The following EIF2AK3 variants were observed in gnomAD, a reference collection of about 807,000 sequenced individuals.
The protein encoded by EIF2AK3 is eukaryotic translation initiation factor 2-alpha kinase 3.
In EIF2AK3, 50 loss-of-function variants were observed where a neutral mutation model predicts 113.5. The ratio of observed to expected loss-of-function variants is 0.44; its 90% CI spans 0.35 to 0.56. EIF2AK3 has a LOEUF of 0.56. Among genes scored for constraint, EIF2AK3 ranks in the 20% least tolerant of loss-of-function variants. The pLI, the probability that EIF2AK3 is intolerant of heterozygous loss-of-function variation, is 0.00. For missense variants in EIF2AK3, 1,185 were observed against 1,378.0 expected, an observed-to-expected ratio of 0.86 and a Z score of 2.22; for synonymous variants, 448 against 495.4, an observed-to-expected ratio of 0.90 and a Z score of 1.27.
rs577300913 is a variant in EIF2AK3 at position 88,576,839 on chromosome 2, A to G, written c.1887-136T>C. Reference sequence around the variant, plus strand: ...AAAAAAGGAAAATTAAAGAAATAAAATTAGCCTGAAAAAGAGAGAAAGTAA... The same window carrying G: ...AAAAAAGGAAAATTAAAGAAATAAAGTTAGCCTGAAAAAGAGAGAAAGTAA... On this transcript the variant is annotated intron_variant, in intron 11 of 16. Transcript: ENST00000303236. 1.2e-4 allele frequency: 121 copies of G among 970,526 alleles called. 1 individual carries two copies. The Middle Eastern group carries it at 1.6e-3, about 13-fold the overall frequency. The allele number at this position is 970,526 out of a possible 1,614,324, so 60.1% of individuals were successfully genotyped here.
intron 16 of EIF2AK3, among the ~76,000 whole-genome samples, chr2:88,558,443 T>G (rs1248201081): frequency 6.6e-6 from 1 of 152,226 alleles, no homozygotes; most frequent in Non-Finnish European, 1.5e-5. Flanking sequence ...GAACGTAACA[T>G]GTACTCTTAT....
In EIF2AK3 at chr2:88,626,518, G is replaced by A. The variant is rs941238172; in HGVS notation, c.308+449C>T. On this transcript the variant is annotated intron_variant, in intron 1 of 16. Transcript: ENST00000303236. Reference sequence around the variant, plus strand: ...GACACTGATCTCAATCCTTGTCCGGGGGCACTACAGAGTTGTGTTTGAAAG... The same window carrying A: ...GACACTGATCTCAATCCTTGTCCGGAGGCACTACAGAGTTGTGTTTGAAAG... 6.6e-5 allele frequency among the ~76,000 whole-genome samples: 10 copies of A among 152,140 alleles called. 1 individual carries two copies. Among genetic ancestry groups the A allele is most frequent in the African/African-American group, 2.4e-4 (10 of 41,408 alleles).
rs1266334890 is a variant in EIF2AK3, at chr2:88,575,278, C to T, written c.2205G>A (p.Glu735=). ...GISCDQTSSS[E]SQFSPLEFSG... is the part of the protein sequence containing the mutation. ...AGAATTCCAGTGGTGAGAACTGGCT[C>T]TCAGATGAACTTGTCTGGTCACAGG... is the stretch of plus-strand genomic sequence containing the variant. The change falls in exon 13 of 17, where the codon GAG becomes GAA. Residue 735 remains glutamate (E), a synonymous_variant. Coordinates refer to ENST00000303236, the MANE Select transcript of EIF2AK3 (RefSeq NM_004836.7). The T allele has an allele frequency of 2.5e-6, 4 of 1,614,130 alleles. No homozygotes were observed. The highest frequency in any genetic ancestry group is 3.4e-6 in the Non-Finnish European group (4 of 1,179,996).
At chr2:88,609,568 A>C (rs1026998383) in intron 2 of EIF2AK3, among the ~76,000 whole-genome samples, 12 of 152,202 alleles carry the variant, frequency 7.9e-5, no homozygotes, top group Admixed American at 4.6e-4. Context: ...ATTCTGCATG[A>C]CTAATTAGGA....
chr2:88,627,079 C>A lies in EIF2AK3; in HGVS notation c.196G>T (p.Ala66Ser). ...ATRVPAAGAV[A>S]AAEVTVEDAE... ...TCCTCCACAGTCACCTCGGCCGCAG[C>A]CACGGCGCCCGCCGCCGGTACTCGC... Residue 66 changes from alanine to serine, a missense_variant, in exon 1 of 17, where the codon GCT becomes TCT. This residue lies in a region of EIF2AK3 where 189 missense variants were observed against 175.2 expected (regional missense o/e 1.08). Transcript: ENST00000303236. The A allele has an allele frequency of 6.4e-7, 1 of 1,560,108 alleles. No homozygotes were observed. The highest frequency in any genetic ancestry group is 1.8e-5 in the Admixed American group (1 of 54,362).
intron 1 of EIF2AK3, among the ~76,000 whole-genome samples, chr2:88,621,355 CT>C (rs368083493): frequency 1.5e-3 from 224 of 152,284 alleles, no homozygotes; most frequent in South Asian, 7.5e-3. Flanking sequence ...TTTAAAGGAA[CT>C]TTTATTTCCT....
At chr2:88,584,126 C>A (rs1327386854) in intron 9 of EIF2AK3, among the ~76,000 whole-genome samples, 1 of 152,282 alleles carries the variant, frequency 6.6e-6, no homozygotes, top group Non-Finnish European at 1.5e-5. Flanking sequence ...CTGATTCTTT[C>A]AACAAATCTT....
Position 88,570,981 on chromosome 2 carries a change from T to G in EIF2AK3, c.2878A>C (p.Thr960Pro), listed in dbSNP as rs1262362715. Residue 960 changes from threonine to proline, a missense_variant, in exon 14 of 17, where the codon ACT becomes CCT. Around this residue, in one of 3 missense-constraint regions of EIF2AK3, gnomAD observed 877 missense variants for 1,024.2 expected, o/e 0.86. Transcript: ENST00000303236. The part of the protein sequence containing the change: ...VVKVGDFGLV[T>P]AMDQDEEEQT... ...TCTTCCTCATCCTGGTCCATTGCAG[T>G]CACTAACCCAAAGTCTCCAACCTTG... 1 of 1,614,034 alleles carries G rather than the reference T, an allele frequency of 6.2e-7. No homozygotes were observed. Among genetic ancestry groups the G allele is most frequent in the Non-Finnish European group, 8.5e-7 (1 of 1,180,024 alleles).
rs1673812745 is a variant in EIF2AK3 at position 88,557,538 on chromosome 2, T to G, written c.*198A>C. The stretch of plus-strand genomic sequence containing the variant: ...ACAAAGAACAAAGATAGCCCTTTCC[T>G]TAAGTATAGCAAAACTCAGGAGTTG... On this transcript the variant is annotated 3_prime_UTR_variant, in exon 17 of 17. Coordinates refer to ENST00000303236, the MANE Select transcript of EIF2AK3 (RefSeq NM_004836.7). The G allele has an allele frequency of 1.6e-6, 1 of 625,468 alleles. No individual in the cohort carries two copies. Among genetic ancestry groups the G allele is most frequent in the African/African-American group, 1.8e-5 (1 of 54,496 alleles). The allele number at this position is 625,468 out of a possible 1,614,324, so 38.7% of individuals were successfully genotyped here.
In EIF2AK3 at chr2:88,602,799, C is replaced by T. The variant is rs149064071; in HGVS notation, c.439-7136G>A. Reference sequence around the variant, plus strand: ...GGGAACAACACATACTGGGGCCTGACGGGGGTGGGGAGCAAGGGGAGGAAG... The same window carrying T: ...GGGAACAACACATACTGGGGCCTGATGGGGGTGGGGAGCAAGGGGAGGAAG... On this transcript the variant is annotated intron_variant, in intron 2 of 16. Coordinates refer to ENST00000303236, the MANE Select transcript of EIF2AK3 (RefSeq NM_004836.7). 4.2e-3 allele frequency among the ~76,000 whole-genome samples: 628 copies of T among 150,854 alleles called. 6 individuals carry two copies. Among genetic ancestry groups the T allele is most frequent in the African/African-American group, 0.014 (568 of 41,030 alleles).
At chr2:88,579,737 AAACTCATAG>A (rs1674551554) in intron 10 of EIF2AK3, 97 bp from the exon 11 acceptor site, 2 of 1,128,362 alleles carry the variant, frequency 1.8e-6, no homozygotes, top group Non-Finnish European at 2.6e-6. Context: ...AAAAATGTAT[AAACTCATAG>A]AACTCATCTT....
chr2:88,606,364 A>T (rs1675277356), intron 2 of EIF2AK3, among the ~76,000 whole-genome samples: 1 of 152,328 alleles, frequency 6.6e-6, no homozygotes, highest in South Asian at 2.1e-4. Flanking sequence ...GTGACATGCA[A>T]TGCTGGGATA....
chr2:88,601,342 T>C (rs1675142563), intron 2 of EIF2AK3, among the ~76,000 whole-genome samples: 1 of 152,252 alleles, frequency 6.6e-6, no homozygotes, highest in African/African-American at 2.4e-5. Context: ...TTTGATCTGA[T>C]GCAGGTTCAG....
At chr2:88,588,994 C>T in intron 6 of EIF2AK3, 93 bp from the exon 7 acceptor site, 2 of 1,391,096 alleles carry the variant, frequency 1.4e-6, no homozygotes, top group Non-Finnish European at 2.0e-6. Flanking sequence ...GTTATTTCTA[C>T]ATACACCACA....
At chr2:88,603,528 GAAGTATT>G (rs1675201396) in intron 2 of EIF2AK3, among the ~76,000 whole-genome samples, 1 of 152,156 alleles carries the variant, frequency 6.6e-6, no homozygotes, top group South Asian at 2.1e-4. Flanking sequence ...TCTAATTATG[GAAGTATT>G]TATATTTATA....
At chr2:88,586,220 C>T (rs1391073216) in intron 8 of EIF2AK3, among the ~76,000 whole-genome samples, 159 bp from the exon 9 acceptor site, 1 of 151,976 alleles carries the variant, frequency 6.6e-6, no homozygotes, top group Non-Finnish European at 1.5e-5. Flanking sequence ...TAATTTGTCT[C>T]ATTTTTCTCC....
chr2:88,595,422 C>T, intron 3 of EIF2AK3, 47 bp downstream of exon 3: 1 of 1,567,726 alleles, frequency 6.4e-7, no homozygotes, highest in Non-Finnish European at 8.8e-7. Flanking sequence ...TTTTTCTACC[C>T]TAATTTACTC....
intron 1 of EIF2AK3, among the ~76,000 whole-genome samples, chr2:88,616,688 A>G (rs1336487847): frequency 3.3e-5 from 5 of 152,058 alleles, no homozygotes; most frequent in Admixed American, 6.5e-5. Flanking sequence ...CAGCCTCCCA[A>G]AGTGCTGGGA....
rs1386816960 is a variant in EIF2AK3 at position 88,626,988 on chromosome 2, G to A, written c.287C>T (p.Thr96Ile). 1.2e-6 allele frequency: 2 copies of A among 1,609,342 alleles called. No homozygotes were observed. The highest frequency in any genetic ancestry group is 1.7e-5 in the Admixed American group (1 of 59,910). ...TCACCTGCCGCGCGGTCGCAACTCT[G>A]TCTCATCGTCTGGTTCCGGACCCCG... ...EPRGPEPDDE[T>I]ELRPRGRSLV... is the part of the protein sequence containing the mutation. The change falls in exon 1 of 17, where the codon ACA (threonine) becomes ATA (isoleucine). Residue 96 changes from threonine (T) to isoleucine (I), a missense_variant. This residue lies in a region of EIF2AK3 where 189 missense variants were observed against 175.2 expected (regional missense o/e 1.08). Coordinates refer to ENST00000303236, the MANE Select transcript of EIF2AK3 (RefSeq NM_004836.7).
Sources: allele counts gnomAD v4.1 joint callset (sites outside exome capture counted in the v4.1 genomes callset), GRCh38; gene constraint gnomAD v4.1.1; regional missense constraint gnomAD v4.1.1; transcripts MANE v1.5; gene names NCBI Gene and HGNC (gene_info 2026-07-23, HGNC 2026-07-21).